Variants in HECW1 observed in about 807,000 individuals in gnomAD.
HECW1 encodes the protein E3 ubiquitin-protein ligase HECW1.
A neutral mutation model predicts 182.3 loss-of-function variants in HECW1; 61 were observed. The ratio of observed to expected loss-of-function variants is 0.33; its 90% CI spans 0.27 to 0.41. HECW1 has a LOEUF of 0.41. Ranked by LOEUF, HECW1 falls within the 10% of genes least tolerant of loss-of-function variation. The probability of loss-of-function intolerance (pLI) is 1.00; values close to 1 mark genes in which losing one functional copy is unlikely to be tolerated. For missense variants in HECW1, 1,739 were observed against 2,108.9 expected (o/e 0.82, Z 3.44); for synonymous variants, 859 against 832.6 (o/e 1.03, Z -0.55).
chr7:43,388,911 G>A (rs980809015), intron 6 of HECW1, among the ~76,000 whole-genome samples: 5 of 152,206 alleles, frequency 3.3e-5, no homozygotes, highest in Admixed American at 6.5e-5. Flanking sequence ...GGCCTACAGA[G>A]GGTGGGATGA....
intron 9 of HECW1, among the ~76,000 whole-genome samples, chr7:43,441,674 T>A (rs1322132235): frequency 6.6e-6 from 1 of 152,188 alleles, no homozygotes; most frequent in African/African-American, 2.4e-5. Context: ...TCTACCAATA[T>A]AGCATGAAAG....
At chr7:43,120,243 C>T (rs1460595194) in intron 2 of HECW1, among the ~76,000 whole-genome samples, 1 of 152,148 alleles carries the variant, frequency 6.6e-6, no homozygotes, top group Admixed American at 6.5e-5. Flanking sequence ...AAATACTGTT[C>T]CCTTGACCTG....
rs527582348 is a variant in HECW1, at chr7:43,399,291, C to T, written c.631+2402C>T. Among the ~76,000 whole-genome samples, 11 of 152,278 alleles carry T rather than the reference C, an allele frequency of 7.2e-5. 1 individual carries two copies. The highest frequency in any genetic ancestry group is 2.4e-4 in the African/African-American group (10 of 41,546). On this transcript the variant is annotated intron_variant, in intron 7 of 29. Transcript: ENST00000395891. Reference sequence around the variant, plus strand: ...GAACAAAGACAGCTTATAGGTTAGACGCAAGATGGAGTTGGTTAGGTCAGA... The same window carrying T: ...GAACAAAGACAGCTTATAGGTTAGATGCAAGATGGAGTTGGTTAGGTCAGA...
At position 43,185,154 on chromosome 7, in the gene HECW1, G is replaced by T. The variant is rs188867766; in HGVS notation, c.-31-58721G>T. Among the ~76,000 whole-genome samples the T allele has an allele frequency of 4.7e-3, 711 of 152,110 alleles. 22 individuals carry two copies. The highest frequency in any genetic ancestry group is 7.7e-3 in the East Asian group (40 of 5,180). On this transcript the variant is annotated intron_variant, in intron 2 of 29. Coordinates refer to ENST00000395891, the MANE Select transcript of HECW1 (RefSeq NM_015052.5). Reference sequence around the variant, plus strand: ...AAAAACCCAAAAGGACAGGGATGGTGGGGGGGAAGGGGCTGGCTTCCTGAT... The same window carrying T: ...AAAAACCCAAAAGGACAGGGATGGTTGGGGGGAAGGGGCTGGCTTCCTGAT...
chr7:43,423,115 CAT>C (rs535852205), intron 8 of HECW1, among the ~76,000 whole-genome samples: 6 of 152,146 alleles, frequency 3.9e-5, no homozygotes, highest in Non-Finnish European at 7.3e-5. Context: ...ACAAAGTAAA[CAT>C]AGTGTCATTA....
intron 5 of HECW1, among the ~76,000 whole-genome samples, chr7:43,354,632 A>T (rs529203662): frequency 3.2e-4 from 49 of 152,172 alleles, no homozygotes; most frequent in African/African-American, 1.1e-3. Flanking sequence ...AAAAAACAAT[A>T]AAAAGGAACA....
chr7:43,498,413 T>C (rs1372176903), intron 19 of HECW1, among the ~76,000 whole-genome samples: 1 of 152,088 alleles, frequency 6.6e-6, no homozygotes, highest in African/African-American at 2.4e-5. Context: ...TGCCCAAGGG[T>C]ACATTATCAT....
chr7:43,138,172 T>C (rs1158575127), intron 2 of HECW1, among the ~76,000 whole-genome samples: 2 of 152,196 alleles, frequency 1.3e-5, no homozygotes, highest in Admixed American at 6.5e-5. Context: ...GGAGAGGTAA[T>C]GAAAGAAGAT....
intron 2 of HECW1, among the ~76,000 whole-genome samples, chr7:43,186,839 G>A (rs993806510): frequency 2.0e-5 from 3 of 152,174 alleles, no homozygotes; most frequent in African/African-American, 7.2e-5. Flanking sequence ...GGTCATATAG[G>A]TTATATAATA....
At chr7:43,375,991 G>A (rs1020727781) in intron 6 of HECW1, among the ~76,000 whole-genome samples, 1 of 149,574 alleles carries the variant, frequency 6.7e-6, no homozygotes, top group African/African-American at 2.4e-5. Context: ...ACTGGTTGAG[G>A]TGCATATATA....
Position 43,456,431 on chromosome 7 carries a change from G to C in HECW1, c.2635G>C (p.Glu879Gln). The change falls in exon 13 of 30, where the codon GAG (glutamate) becomes CAG (glutamine). Residue 879 changes from glutamate to glutamine, a missense_variant. Glu to Gln is a conservative substitution (Grantham distance 29). Around this residue, in one of 5 missense-constraint regions of HECW1, gnomAD observed 971 missense variants for 1,029.1 expected, o/e 0.94. Transcript: ENST00000395891. ...GAGATCGGGGTCCATCCAGCAGATG[G>C]AGCAACTCAACAGGCGGTTGGTGAT... ...MRRSGSIQQM[E>Q]QLNRRYQNIQ... 6.2e-7 allele frequency: 1 copy of C among 1,613,870 alleles called. No individual in the cohort carries two copies.
intron 2 of HECW1, among the ~76,000 whole-genome samples, chr7:43,221,681 G>A (rs534851086): frequency 6.7e-6 from 1 of 149,822 alleles, no homozygotes; most frequent in African/African-American, 2.5e-5. Context: ...AGCCTCCCGA[G>A]TAGCTGGGAC....
rs535158049 is a variant in HECW1 at position 43,131,139 on chromosome 7, G to A, written c.-32+16748G>A. On this transcript the variant is annotated intron_variant, in intron 2 of 29. Coordinates refer to ENST00000395891, the MANE Select transcript of HECW1 (RefSeq NM_015052.5). ...AAATTAGATGGGCGTGGTGGCACACGCGTGTAATCCCAGCTACTTGGGAGG... is the reference window on the plus strand; with the variant it reads ...AAATTAGATGGGCGTGGTGGCACACACGTGTAATCCCAGCTACTTGGGAGG... 7.2e-5 allele frequency among the ~76,000 whole-genome samples: 11 copies of A among 152,254 alleles called. No individual in the cohort carries two copies. In the East Asian group the frequency reaches 1.2e-3, roughly 16 times the overall value.
intron 3 of HECW1, among the ~76,000 whole-genome samples, chr7:43,265,820 G>T (rs1338982452): frequency 1.3e-5 from 2 of 152,182 alleles, no homozygotes; most frequent in African/African-American, 2.4e-5. Flanking sequence ...AAATTTGAAG[G>T]TTCCCAAAAC....
chr7:43,132,544 T>TTC (rs1787072310), intron 2 of HECW1, among the ~76,000 whole-genome samples: 1 of 151,978 alleles, frequency 6.6e-6, no homozygotes, highest in Non-Finnish European at 1.5e-5. Context: ...CTTTCTCTCT[T>TTC]TCTCTCTCTC....
chr7:43,178,755 G>T (rs1301202732), intron 2 of HECW1, among the ~76,000 whole-genome samples: 2 of 152,214 alleles, frequency 1.3e-5, no homozygotes, highest in Non-Finnish European at 2.9e-5. Flanking sequence ...GGGACTGTAT[G>T]CTTTGAATCA....
rs1784731637 is a variant in HECW1, at chr7:43,112,944, G to C, written c.-267+7G>C. On this transcript the variant is annotated splice_region_variant and intron_variant, in intron 1 of 29. Coordinates refer to ENST00000395891, the MANE Select transcript of HECW1 (RefSeq NM_015052.5). ...CCAGGCCAGGGCTGCCAAGGTAAGC[G>C]GGCGTAGCGCGGGGACACTGTCTGC... 9.4e-6 allele frequency: 2 copies of C among 212,560 alleles called. No individual in the cohort carries two copies. Among genetic ancestry groups the C allele is most frequent in the Non-Finnish European group, 1.9e-5 (2 of 104,764 alleles). 13.2% of individuals were successfully genotyped at this position (212,560 alleles called of 1,614,324 possible).
rs139448720 is a variant in HECW1 at position 43,517,315 on chromosome 7, A to C, written c.4019+8194A>C. ...AAGAGGATCCCAAGGCCCTTTGCTA[A>C]CTGCAAAATAAACAGACTCCCCTGC... On this transcript the variant is annotated intron_variant, in intron 24 of 29. Transcript: ENST00000395891. Among the ~76,000 whole-genome samples, 1,059 of 152,208 alleles carry C rather than the reference A, an allele frequency of 7.0e-3. 12 individuals are homozygous for C. Among genetic ancestry groups the C allele is most frequent in the African/African-American group, 0.024 (988 of 41,508 alleles).
intron 24 of HECW1, among the ~76,000 whole-genome samples, chr7:43,513,619 T>C (rs544827385): frequency 3.9e-5 from 6 of 152,066 alleles, no homozygotes; most frequent in Admixed American, 2.0e-4. Flanking sequence ...TGAATAAATA[T>C]AGTGAAAATT....
Sources: allele counts gnomAD v4.1 joint callset (sites outside exome capture counted in the v4.1 genomes callset), GRCh38; gene constraint gnomAD v4.1.1; regional missense constraint gnomAD v4.1.1; transcripts MANE v1.5; gene names NCBI Gene and HGNC (gene_info 2026-07-23, HGNC 2026-07-21).